Variants in SLAIN1 observed in about 807,000 individuals in gnomAD.
SLAIN1 encodes SLAIN family member 1.
Under a neutral mutation model 55.4 loss-of-function variants are expected in SLAIN1, and 17 were observed. That is an observed-to-expected ratio of 0.31 (90% CI 0.21 to 0.46). The LOEUF is 0.46. Ranked by LOEUF, SLAIN1 falls within the 20% of genes least tolerant of loss-of-function variation. The probability of loss-of-function intolerance (pLI) is 1.00; values close to 1 mark genes in which losing one functional copy is unlikely to be tolerated. For missense variants in SLAIN1, 682 were observed against 785.1 expected, an observed-to-expected ratio of 0.87 and a Z score of 1.57; for synonymous variants, 348 against 337.4, an observed-to-expected ratio of 1.03 and a Z score of -0.35.
chr13:77,707,370 G>A (rs753861639), intron 1 of SLAIN1, among the ~76,000 whole-genome samples: 4 of 152,032 alleles, frequency 2.6e-5, no homozygotes, highest in Non-Finnish European at 4.4e-5. Flanking sequence ...TTGTGTGTGT[G>A]TGTGAATGTA....
In SLAIN1 at chr13:77,756,897, A is replaced by G. The variant is rs148326260; in HGVS notation, c.1414+3539A>G. On this transcript the variant is annotated intron_variant, in intron 5 of 6. Transcript: ENST00000418532. ...CTTTGGGGGAGTTTTGACTAGGAAG[A>G]GGCATGAGAGAGCATTGTAAGGTGC... is the stretch of plus-strand genomic sequence containing the variant. Among the ~76,000 whole-genome samples the G allele has an allele frequency of 2.8e-4, 43 of 152,272 alleles. No homozygotes were observed. The East Asian group carries it at 7.9e-3, about 28-fold the overall frequency.
chr13:77,725,722 TCTA>T (rs1209882863), intron 2 of SLAIN1, among the ~76,000 whole-genome samples: 2 of 152,164 alleles, frequency 1.3e-5, no homozygotes, highest in African/African-American at 4.8e-5. Flanking sequence ...TAAACCCTCT[TCTA>T]CCTTATTTCC....
At chr13:77,726,859 T>G (rs989950711) in intron 2 of SLAIN1, among the ~76,000 whole-genome samples, 2 of 152,248 alleles carry the variant, frequency 1.3e-5, no homozygotes, top group African/African-American at 2.4e-5. Context: ...CTCAGCCTCT[T>G]TTACATTTGT....
Position 77,761,039 on chromosome 13 carries a change from A to T in SLAIN1, c.1626A>T (p.Ala542=), listed in dbSNP as rs757831994. 35 of 1,613,988 alleles carry T rather than the reference A, an allele frequency of 2.2e-5. No homozygotes were observed. The highest frequency in any genetic ancestry group is 1.6e-4 in the Middle Eastern group (1 of 6,080). Residue 542 remains alanine, a synonymous_variant, in exon 6 of 7, where the codon GCA becomes GCT. Transcript: ENST00000418532. ...AAASGIMGRS[A]LPRPSLAING... is the part of the protein sequence containing the mutation. ...CTTCTGGGATAATGGGTCGCAGTGC[A>T]CTCCCAAGACCTTCGTTGGCAATAA... is the stretch of plus-strand genomic sequence containing the variant.
chr13:77,706,386 T>C (rs988685932), intron 1 of SLAIN1, among the ~76,000 whole-genome samples: 9 of 152,274 alleles, frequency 5.9e-5, no homozygotes, highest in Admixed American at 5.2e-4. Flanking sequence ...TAATGGCACT[T>C]CTTCTCTCCT....
At chr13:77,728,227 T>C (rs1186466225) in intron 2 of SLAIN1, among the ~76,000 whole-genome samples, 7 of 152,322 alleles carry the variant, frequency 4.6e-5, no homozygotes, top group Non-Finnish European at 1.0e-4. Flanking sequence ...TGGGTAGGAT[T>C]AGCTCACTTG....
chr13:77,735,776 A>G (rs1225454750), intron 2 of SLAIN1, among the ~76,000 whole-genome samples: 1 of 152,080 alleles, frequency 6.6e-6, no homozygotes, highest in Non-Finnish European at 1.5e-5. Context: ...TACAGAAAAT[A>G]TTTGACCACT....
At chr13:77,762,130 A>G (rs1241059682) in intron 6 of SLAIN1, among the ~76,000 whole-genome samples, 1 of 152,224 alleles carries the variant, frequency 6.6e-6, no homozygotes, top group Non-Finnish European at 1.5e-5. Flanking sequence ...CCATAATCCT[A>G]CTGCCAGATA....
At chr13:77,718,111 A>T (rs904582945) in intron 1 of SLAIN1, among the ~76,000 whole-genome samples, 2 of 152,054 alleles carry the variant, frequency 1.3e-5, no homozygotes, top group African/African-American at 4.8e-5. Flanking sequence ...AAAAAAAAAT[A>T]TATTGGACTT....
At position 77,743,105 on chromosome 13, in the gene SLAIN1, A is replaced by G. The variant is rs1322727968; in HGVS notation, c.767-1178A>G. On this transcript the variant is annotated intron_variant, in intron 2 of 6. Transcript: ENST00000418532. Reference sequence around the variant, plus strand: ...AAGACTCAGCCCTTATAGCAATGGCATTAATACTCCCAGCTTCTCTAAAAC... The same window carrying G: ...AAGACTCAGCCCTTATAGCAATGGCGTTAATACTCCCAGCTTCTCTAAAAC... The G allele has an allele frequency of 2.3e-6, 3 of 1,303,528 alleles. No individual in the cohort carries two copies. The Admixed American group carries it at 6.9e-5, about 30-fold the overall frequency. 80.7% of individuals were successfully genotyped at this position (1,303,528 alleles called of 1,614,324 possible).
intron 1 of SLAIN1, among the ~76,000 whole-genome samples, chr13:77,713,701 A>G (rs556017220): frequency 2.0e-5 from 3 of 152,272 alleles, no homozygotes; most frequent in Admixed American, 6.5e-5. Context: ...AAATCATTCT[A>G]CTATAAAGAC....
Position 77,734,658 on chromosome 13 carries a change from A to T in SLAIN1, c.767-9625A>T, listed in dbSNP as rs142918018. ...TAGGTTACACTTCTTTAGAATCAGG[A>T]AAAGTGAAAAGTAGAAAACTCCTAC... On this transcript the variant is annotated intron_variant, in intron 2 of 6. Coordinates refer to ENST00000418532, the MANE Select transcript of SLAIN1 (RefSeq NM_001242868.2). Among the ~76,000 whole-genome samples, 33 of 152,250 alleles carry T rather than the reference A, an allele frequency of 2.2e-4. No individual in the cohort carries two copies. The East Asian group carries it at 6.2e-3, about 29-fold the overall frequency.
intron 3 of SLAIN1, 59 bp downstream of exon 3, chr13:77,744,491 G>A (rs753454093): frequency 2.5e-6 from 4 of 1,600,554 alleles, no homozygotes; most frequent in Non-Finnish European, 3.4e-6. Flanking sequence ...ACAGGCAGAG[G>A]GGGAGGTTCA....
At chr13:77,762,283 C>A (rs1301540580) in intron 6 of SLAIN1, among the ~76,000 whole-genome samples, 2 of 152,306 alleles carry the variant, frequency 1.3e-5, no homozygotes, top group African/African-American at 4.8e-5. Flanking sequence ...TACATTTATC[C>A]TTGACTATGT....
chr13:77,729,901 CTG>C (rs146215187), intron 2 of SLAIN1, among the ~76,000 whole-genome samples: 33 of 150,272 alleles, frequency 2.2e-4, no homozygotes, highest in Non-Finnish European at 2.4e-4. Flanking sequence ...GCCAGTAACT[CTG>C]TGTGTGTGTG....
chr13:77,755,713 G>C (rs1176449510), intron 5 of SLAIN1, among the ~76,000 whole-genome samples: 1 of 152,140 alleles, frequency 6.6e-6, no homozygotes, highest in Non-Finnish European at 1.5e-5. Context: ...CCTCTTTGTA[G>C]TAGATTCCAA....
intron 5 of SLAIN1, among the ~76,000 whole-genome samples, chr13:77,757,518 T>C (rs1421322493): frequency 6.6e-6 from 1 of 152,004 alleles, no homozygotes; most frequent in Non-Finnish European, 1.5e-5. Flanking sequence ...ATTTCTGAGA[T>C]TTTGGTGCAC....
intron 1 of SLAIN1, among the ~76,000 whole-genome samples, chr13:77,717,938 T>C (rs983864502): frequency 2.6e-5 from 4 of 152,154 alleles, no homozygotes; most frequent in Non-Finnish European, 5.9e-5. Flanking sequence ...AAGTACCGTG[T>C]ACTGGGCAGT....
In SLAIN1 at chr13:77,763,328, T is replaced by A; in HGVS notation, c.*108T>A. ...TTGGGATATTCTTTCCCTTTTGTGT[T>A]TTAATATATTTACTGCATTGTTTCT... On this transcript the variant is annotated 3_prime_UTR_variant, in exon 7 of 7. Coordinates refer to ENST00000418532, the MANE Select transcript of SLAIN1 (RefSeq NM_001242868.2). The A allele has an allele frequency of 1.2e-6, 1 of 804,736 alleles. No homozygotes were observed. The highest frequency in any genetic ancestry group is 2.0e-6 in the Non-Finnish European group (1 of 489,466). 49.8% of individuals were successfully genotyped at this position (804,736 alleles called of 1,614,324 possible). A position where few individuals can be genotyped will look rare whatever the true frequency, so the allele number is the denominator to read the frequency against.
Sources: allele counts gnomAD v4.1 joint callset (sites outside exome capture counted in the v4.1 genomes callset), GRCh38; gene constraint gnomAD v4.1.1; transcripts MANE v1.5; gene names NCBI Gene and HGNC (gene_info 2026-07-23, HGNC 2026-07-21).